Variants in PDE1C observed in about 807,000 individuals in gnomAD.
PDE1C encodes phosphodiesterase 1C, also known as dual specificity calcium/calmodulin-dependent 3',5'-cyclic nucleotide phosphodiesterase 1C.
In PDE1C, 62 loss-of-function variants were observed where a neutral mutation model predicts 93.1. That is an observed-to-expected ratio of 0.67 (90% CI 0.54 to 0.82). The LOEUF is 0.82. PDE1C is among the 40% of genes least tolerant of loss of function. The probability of loss-of-function intolerance (pLI) is 0.00; values close to 1 mark genes in which losing one functional copy is unlikely to be tolerated. For missense variants in PDE1C, 742 were observed against 884.6 expected, an observed-to-expected ratio of 0.84 and a Z score of 2.04; for synonymous variants, 325 against 310.1, an observed-to-expected ratio of 1.05 and a Z score of -0.50.
At chr7:32,242,013 T>C (rs1304937858) in intron 1 of PDE1C, among the ~76,000 whole-genome samples, 3 of 152,126 alleles carry the variant, frequency 2.0e-5, no homozygotes, top group African/African-American at 4.8e-5. Context: ...TGGGCAAATT[T>C]TGAGAATATA....
intron 9 of PDE1C, among the ~76,000 whole-genome samples, chr7:31,847,064 T>G (rs1792729091): frequency 6.6e-6 from 1 of 152,152 alleles, no homozygotes; most frequent in Admixed American, 6.6e-5. Flanking sequence ...ATTCAGAGTT[T>G]TGTAAGGATT....
chr7:31,723,287 C>T, the PDE1C span, among the ~76,000 whole-genome samples: 1 of 152,170 alleles, frequency 6.6e-6, no homozygotes, highest in Non-Finnish European at 1.5e-5. Flanking sequence ...GTTTGTCCTC[C>T]TCAGGTACCT....
the PDE1C span, among the ~76,000 whole-genome samples, chr7:31,731,249 G>A: frequency 7.9e-5 from 12 of 152,192 alleles, no homozygotes; most frequent in South Asian, 1.0e-3. Context: ...ACAGGAACCC[G>A]CAGGACCCGT....
intron 2 of PDE1C, among the ~76,000 whole-genome samples, chr7:32,002,480 T>C (rs1229836610): frequency 6.6e-6 from 1 of 152,150 alleles, no homozygotes; most frequent in Non-Finnish European, 1.5e-5. Flanking sequence ...GAAAATGGGG[T>C]GATCCAGGTA....
chr7:31,636,761 G>C, the PDE1C span, among the ~76,000 whole-genome samples: 1 of 151,114 alleles, frequency 6.6e-6, no homozygotes, highest in South Asian at 2.1e-4. Context: ...AAGTTTTAGG[G>C]TACATGTGCG....
upstream of PDE1C, chr7:32,071,089 C>G: frequency 4.1e-6 from 4 of 985,474 alleles, no homozygotes; most frequent in South Asian, 1.9e-4. Flanking sequence ...GGCGCGCGGG[C>G]ACCGCCGTCT....
chr7:32,401,415 T>A (rs1008287364), intron 1 of PDE1C, among the ~76,000 whole-genome samples: 10 of 151,876 alleles, frequency 6.6e-5, no homozygotes, highest in African/African-American at 2.4e-4. Flanking sequence ...CACGTGCCTG[T>A]AATCCCAACT....
chr7:31,956,652 G>C (rs1263115574), intron 2 of PDE1C, among the ~76,000 whole-genome samples: 1 of 150,748 alleles, frequency 6.6e-6, no homozygotes, highest in South Asian at 2.1e-4. Context: ...CAGCCACCAA[G>C]GGCAACAACA....
chr7:31,710,665 ATC>A, the PDE1C span, among the ~76,000 whole-genome samples: 1 of 152,158 alleles, frequency 6.6e-6, no homozygotes, highest in Non-Finnish European at 1.5e-5. Flanking sequence ...ATTTTGTAGA[ATC>A]TCTGTCATCC....
At chr7:31,727,013 G>C in the PDE1C span, among the ~76,000 whole-genome samples, 4 of 151,948 alleles carry the variant, frequency 2.6e-5, no homozygotes, top group African/African-American at 9.7e-5. Context: ...TCCAGCCTGG[G>C]CAACAAGAGC....
At chr7:32,092,878 C>CT (rs58264170) in intron 3 of PDE1C, among the ~76,000 whole-genome samples, 3 of 151,722 alleles carry the variant, frequency 2.0e-5, no homozygotes, top group Non-Finnish European at 2.9e-5. Context: ...AGCATTATTA[C>CT]TTTTTTTTTC....
chr7:31,973,670 C>T (rs1202003640), intron 2 of PDE1C, among the ~76,000 whole-genome samples: 2 of 152,036 alleles, frequency 1.3e-5, no homozygotes, highest in Non-Finnish European at 2.9e-5. Flanking sequence ...TGGACAGAGA[C>T]CCAGAGAGGC....
intron 3 of PDE1C, among the ~76,000 whole-genome samples, chr7:32,140,189 C>A (rs527322058): frequency 2.6e-5 from 4 of 152,142 alleles, no homozygotes; most frequent in Non-Finnish European, 5.9e-5. Flanking sequence ...TTATGACAAC[C>A]AACCAAAGCA....
chr7:32,066,630 A>G (rs1182080895), intron 1 of PDE1C, among the ~76,000 whole-genome samples: 1 of 152,202 alleles, frequency 6.6e-6, no homozygotes, highest in Non-Finnish European at 1.5e-5. Context: ...AGGTACAGTC[A>G]TAACCCAATT....
At chr7:31,770,528 C>T (rs7778781) in intron 17 of PDE1C, among the ~76,000 whole-genome samples, 66,847 of 151,844 alleles carry the variant, frequency 0.44, 15,114 homozygotes, top group African/African-American at 0.49. Flanking sequence ...TTTTTCTTTT[C>T]TGAGACGGAG....
At chr7:31,788,369 C>T (rs1784226038) in intron 16 of PDE1C, 1 of 152,174 alleles carries the variant, frequency 6.6e-6, no homozygotes, top group Admixed American at 6.6e-5. Flanking sequence ...TTGAATGCAG[C>T]TCACAGGCAT....
At chr7:31,795,424 A>G (rs1785166289) in intron 16 of PDE1C, among the ~76,000 whole-genome samples, 1 of 151,834 alleles carries the variant, frequency 6.6e-6, no homozygotes, top group Non-Finnish European at 1.5e-5. Flanking sequence ...ATCAGTATTA[A>G]GGAAAAAAGA....
intron 2 of PDE1C, among the ~76,000 whole-genome samples, chr7:32,043,825 C>T (rs1792159814): frequency 6.6e-6 from 1 of 152,316 alleles, no homozygotes. Context: ...TTGCTGACCT[C>T]ACAGGCCTCT....
chr7:31,916,806 C>T (rs1435927639), intron 2 of PDE1C, among the ~76,000 whole-genome samples: 1 of 152,110 alleles, frequency 6.6e-6, no homozygotes, highest in Non-Finnish European at 1.5e-5. Flanking sequence ...AGGGGCTGCT[C>T]CATCAGATCA....
Sources: allele counts gnomAD v4.1 joint callset (sites outside exome capture counted in the v4.1 genomes callset), GRCh38; gene constraint gnomAD v4.1.1; transcripts MANE v1.5; gene names NCBI Gene and HGNC (gene_info 2026-07-23, HGNC 2026-07-21).